The following KIF6 variants were observed in gnomAD, a reference collection of about 807,000 sequenced individuals.
KIF6 encodes kinesin-like protein KIF6.
In KIF6, 106 loss-of-function variants were observed where a neutral mutation model predicts 112.7. The ratio of observed to expected loss-of-function variants is 0.94; its 90% confidence interval spans 0.80 to 1.11. The LOEUF is 1.11. Among genes scored for constraint, KIF6 ranks in the 50% least tolerant of loss-of-function variants. The pLI, the probability that KIF6 is intolerant of heterozygous loss-of-function variation, is 0.00. For missense variants in KIF6, 929 were observed against 964.0 expected (o/e 0.96, Z 0.48); for synonymous variants, 339 against 339.9 (o/e 1.00, Z 0.03).
chr6:39,392,940 G>A (rs1767997994), intron 15 of KIF6, among the ~76,000 whole-genome samples: 1 of 152,198 alleles, frequency 6.6e-6, no homozygotes, highest in South Asian at 2.1e-4. Flanking sequence ...TGCAGTTTGA[G>A]TATTGAGCAG....
In KIF6 at chr6:39,550,700, G is replaced by T. The variant is rs557400220; in HGVS notation, c.1182-5012C>A. Among the ~76,000 whole-genome samples the T allele has an allele frequency of 6.7e-3, 1,021 of 152,258 alleles. 11 individuals are homozygous for T. The highest frequency in any genetic ancestry group is 0.024 in the African/African-American group (977 of 41,538). ...ACAGCTCATTCCAGAGAGCTAGAAA[G>T]GAGTTCTGATTTATAAAACTAACTT... On this transcript the variant is annotated intron_variant, in intron 10 of 22. Transcript: ENST00000287152.
intron 3 of KIF6, among the ~76,000 whole-genome samples, chr6:39,666,750 A>C (rs537122257): frequency 6.6e-6 from 1 of 152,258 alleles, no homozygotes; most frequent in East Asian, 1.9e-4. Context: ...ATGATTGAAC[A>C]ATTTGGCAGG....
chr6:39,725,176 G>T, intron 1 of KIF6, 69 bp downstream of exon 1: 1 of 1,387,686 alleles, frequency 7.2e-7, no homozygotes. Flanking sequence ...CAGCCCCTTC[G>T]CGTGCCGCCG....
intron 13 of KIF6, among the ~76,000 whole-genome samples, chr6:39,526,924 C>G (rs1777772547): frequency 6.6e-6 from 1 of 152,164 alleles, no homozygotes; most frequent in Non-Finnish European, 1.5e-5. Context: ...ATGCTTAAGG[C>G]CTGCAACAAA....
intron 7 of KIF6, among the ~76,000 whole-genome samples, chr6:39,587,460 T>G (rs542318566): frequency 5.9e-5 from 9 of 152,290 alleles, no homozygotes; most frequent in African/African-American, 2.2e-4. Context: ...ATACCACTAG[T>G]CTCATTCTAA....
At chr6:39,457,785 A>T (rs151055435) in intron 13 of KIF6, among the ~76,000 whole-genome samples, 11,008 of 151,198 alleles carry the variant, frequency 0.073, 595 homozygotes, top group East Asian at 0.23. Flanking sequence ...AATGGGTACA[A>T]TCCTCGACAC....
intron 13 of KIF6, among the ~76,000 whole-genome samples, chr6:39,485,962 T>A (rs1176367251): frequency 2.6e-5 from 4 of 152,202 alleles, no homozygotes; most frequent in Non-Finnish European, 5.9e-5. Context: ...ACAGAGAAAC[T>A]AAGTAACTTG....
chr6:39,380,923 T>C (rs921130572), intron 16 of KIF6, among the ~76,000 whole-genome samples: 1 of 152,226 alleles, frequency 6.6e-6, no homozygotes, highest in Non-Finnish European at 1.5e-5. Context: ...ATTGTAAACT[T>C]ATCTAATTTA....
chr6:39,436,738 C>T (rs2395727), intron 13 of KIF6, among the ~76,000 whole-genome samples: 50,516 of 151,970 alleles, frequency 0.33, 10,372 homozygotes, highest in African/African-American at 0.58. Context: ...TCTACTTTTA[C>T]ATCAGTACCA....
chr6:39,395,491 G>T (rs1487929951), intron 15 of KIF6, among the ~76,000 whole-genome samples: 1 of 152,212 alleles, frequency 6.6e-6, no homozygotes, highest in Non-Finnish European at 1.5e-5. Flanking sequence ...ATGCTTGAAA[G>T]TTCTTCTCAG....
chr6:39,686,156 C>A (rs1209199215), intron 3 of KIF6, among the ~76,000 whole-genome samples: 3 of 152,078 alleles, frequency 2.0e-5, no homozygotes, highest in Admixed American at 1.3e-4. Flanking sequence ...AAGTCTTTGC[C>A]AGGACAATTG....
intron 5 of KIF6, among the ~76,000 whole-genome samples, chr6:39,621,837 T>G (rs1482296862): frequency 6.6e-6 from 1 of 152,212 alleles, no homozygotes; most frequent in Admixed American, 6.6e-5. Flanking sequence ...TAAAATGTTC[T>G]GTTTAATTTA....
chr6:39,353,861 A>C (rs1581653081), intron 19 of KIF6: 1 of 500,910 alleles, frequency 2.0e-6, no homozygotes, highest in East Asian at 7.3e-5. Context: ...TGCCAGCCAC[A>C]ATGGGCACTA....
At position 39,540,229 on chromosome 6, in the gene KIF6, T is replaced by C; in HGVS notation, c.1427-8A>G. On this transcript the variant is annotated splice_polypyrimidine_tract_variant and splice_region_variant and intron_variant, in intron 12 of 22. Coordinates refer to ENST00000287152, the MANE Select transcript of KIF6 (RefSeq NM_145027.6). ...ACATGTTGACCAGGATATCTGAAAC[T>C]TGACTTAAGGATTTAATGCCTGATG... 3.2e-6 allele frequency: 5 copies of C among 1,577,580 alleles called. No homozygotes were observed. Among genetic ancestry groups the C allele is most frequent in the Non-Finnish European group, 3.5e-6 (4 of 1,154,606 alleles).
At chr6:39,710,392 A>G (rs902181607) in intron 3 of KIF6, among the ~76,000 whole-genome samples, 32 of 151,920 alleles carry the variant, frequency 2.1e-4, no homozygotes, top group Non-Finnish European at 3.5e-4. Flanking sequence ...AATCACCAGT[A>G]TCTGAGGGAA....
At chr6:39,693,480 G>C (rs547820409) in intron 3 of KIF6, among the ~76,000 whole-genome samples, 1 of 152,116 alleles carries the variant, frequency 6.6e-6, no homozygotes, top group Non-Finnish European at 1.5e-5. Flanking sequence ...AGCTCTATGT[G>C]GTGTGTGTAA....
At chr6:39,470,175 G>T (rs752464771) in intron 13 of KIF6, among the ~76,000 whole-genome samples, 1 of 152,188 alleles carries the variant, frequency 6.6e-6, no homozygotes. Context: ...GGAGGGTTGA[G>T]AGTTGGGATA....
chr6:39,640,782 T>C (rs1318879782), intron 3 of KIF6, among the ~76,000 whole-genome samples: 2 of 152,152 alleles, frequency 1.3e-5, no homozygotes, highest in South Asian at 2.1e-4. Flanking sequence ...TGGTCACTTA[T>C]GACCACCTTA....
At chr6:39,488,344 C>T (rs1409562752) in intron 13 of KIF6, among the ~76,000 whole-genome samples, 1 of 152,224 alleles carries the variant, frequency 6.6e-6, no homozygotes, top group East Asian at 1.9e-4. Flanking sequence ...GATCCACACT[C>T]AATAATCATC....
Sources: allele counts gnomAD v4.1 joint callset (sites outside exome capture counted in the v4.1 genomes callset), GRCh38; gene constraint gnomAD v4.1.1; transcripts MANE v1.5; gene names NCBI Gene and HGNC (gene_info 2026-07-23, HGNC 2026-07-21).